The following ITGBL1 variants were observed in gnomAD, a reference collection of about 807,000 sequenced individuals.
ITGBL1 encodes the protein integrin subunit beta like 1.
A neutral mutation model predicts 68.5 loss-of-function variants in ITGBL1; 51 were observed. That is an observed-to-expected ratio of 0.74 (90% CI 0.59 to 0.94). ITGBL1 has a LOEUF of 0.94. ITGBL1 is among the 40% of genes least tolerant of loss of function. The pLI is 0.00. For synonymous variants in ITGBL1, 209 were observed against 227.3 expected, an observed-to-expected ratio of 0.92 and a Z score of 0.72; for missense variants, 649 against 647.4, an observed-to-expected ratio of 1.00 and a Z score of -0.03.
chr13:101,467,880 T>A (rs1475390406), intron 2 of ITGBL1, among the ~76,000 whole-genome samples: 1 of 143,826 alleles, frequency 7.0e-6, no homozygotes, highest in South Asian at 2.2e-4. Flanking sequence ...GTAGGCTAAA[T>A]TTTTTTTTTT....
At chr13:101,625,769 G>A (rs1196416832) in intron 7 of ITGBL1, among the ~76,000 whole-genome samples, 1 of 152,100 alleles carries the variant, frequency 6.6e-6, no homozygotes, top group African/African-American at 2.4e-5. Context: ...GGCCAGGCTT[G>A]TCTTTAACTC....
chr13:101,693,616 G>A (rs1416943630), intron 8 of ITGBL1, among the ~76,000 whole-genome samples: 2 of 107,530 alleles, frequency 1.9e-5, no homozygotes, highest in African/African-American at 4.3e-5. Context: ...CATCCTATCT[G>A]TCTGTCTGTC....
chr13:101,594,799 C>T (rs962434001), intron 6 of ITGBL1, among the ~76,000 whole-genome samples: 2 of 152,100 alleles, frequency 1.3e-5, no homozygotes, highest in Non-Finnish European at 2.9e-5. Flanking sequence ...GGGCCAGGCA[C>T]ATGGTGGCTC....
At chr13:101,478,272 T>G (rs917328499) in intron 2 of ITGBL1, among the ~76,000 whole-genome samples, 1 of 151,674 alleles carries the variant, frequency 6.6e-6, no homozygotes, top group Admixed American at 6.6e-5. Flanking sequence ...AAGCATTGGA[T>G]AAGTCACTAT....
intron 4 of ITGBL1, among the ~76,000 whole-genome samples, chr13:101,577,918 C>T (rs1191562433): frequency 1.3e-5 from 2 of 152,110 alleles, no homozygotes; most frequent in Non-Finnish European, 2.9e-5. Flanking sequence ...ATTTAAAATT[C>T]AAATTCATTG....
intron 5 of ITGBL1, among the ~76,000 whole-genome samples, chr13:101,580,192 A>T (rs1566740777): frequency 6.6e-6 from 1 of 152,176 alleles, no homozygotes; most frequent in African/African-American, 2.4e-5. Flanking sequence ...AAACTAAAAA[A>T]ATCTAGATAG....
chr13:101,708,070 T>TAC (rs1566800787), intron 9 of ITGBL1, among the ~76,000 whole-genome samples: 1 of 124,372 alleles, frequency 8.0e-6, no homozygotes, highest in African/African-American at 3.2e-5. Context: ...CACACACACA[T>TAC]ACACACAAAT....
intron 7 of ITGBL1, among the ~76,000 whole-genome samples, chr13:101,604,293 G>A (rs2117973): frequency 1 from 151,399 of 152,034 alleles, 75,384 homozygotes; most frequent in Middle Eastern, 1. Flanking sequence ...AAACATGCAT[G>A]TTTCCTGTCT....
chr13:101,520,628 C>G (rs949416122), intron 2 of ITGBL1, among the ~76,000 whole-genome samples: 3 of 152,122 alleles, frequency 2.0e-5, no homozygotes, highest in Non-Finnish European at 4.4e-5. Context: ...TTCAGGGCAC[C>G]CTGCTCACTC....
chr13:101,719,312 C>T (rs2034837621), downstream of ITGBL1: 1 of 152,056 alleles, frequency 6.6e-6, no homozygotes, highest in African/African-American at 2.4e-5. Context: ...TAAAGAACTT[C>T]TGCTTGCTCC....
chr13:101,606,024 T>C (rs2030823905), intron 7 of ITGBL1, among the ~76,000 whole-genome samples: 3 of 145,712 alleles, frequency 2.1e-5, no homozygotes, highest in Admixed American at 1.4e-4. Flanking sequence ...GTATATATGT[T>C]ATATAGCATA....
At chr13:101,622,948 C>G (rs1167422809) in intron 7 of ITGBL1, among the ~76,000 whole-genome samples, 1 of 89,018 alleles carries the variant, frequency 1.1e-5, no homozygotes, top group Admixed American at 1.1e-4. Context: ...TGTGTGTTTT[C>G]CTGTAGTTGT....
chr13:101,497,735 G>A (rs978269723), intron 2 of ITGBL1, among the ~76,000 whole-genome samples: 4 of 152,166 alleles, frequency 2.6e-5, no homozygotes, highest in African/African-American at 9.7e-5. Context: ...ACCATGTCAC[G>A]CTCCTTAAGG....
At chr13:101,677,686 C>G (rs1426934565) in intron 7 of ITGBL1, among the ~76,000 whole-genome samples, 2 of 152,114 alleles carry the variant, frequency 1.3e-5, no homozygotes, top group African/African-American at 4.8e-5. Context: ...GGACAATGCT[C>G]ATGGGTAGAA....
chr13:101,468,654 A>G (rs2048416006), intron 2 of ITGBL1, among the ~76,000 whole-genome samples: 1 of 152,226 alleles, frequency 6.6e-6, no homozygotes, highest in Non-Finnish European at 1.5e-5. Flanking sequence ...ACATTTAAAA[A>G]TATAACTTCT....
chr13:101,454,092 C>T lies in ITGBL1; in HGVS notation c.308C>T (p.Thr103Ile), dbSNP rs975898787. ...GTGTGCGAGACCTACGACGGGAGCA[C>T]CTGTGCAGGTAAGAGGGCGGCGCTG... ...EWVCETYDGS[T>I]CAGHGKCDCG... Residue 103 changes from threonine (T) to isoleucine (I), a missense_variant, in exon 2 of 11, where the codon ACC (threonine) becomes ATC (isoleucine). Thr to Ile is a moderately conservative substitution (Grantham distance 89). Transcript: ENST00000376180. 1 of 1,568,210 alleles carries T rather than the reference C, an allele frequency of 6.4e-7. No homozygotes were observed. The highest frequency in any genetic ancestry group is 8.6e-7 in the Non-Finnish European group (1 of 1,156,594).
At chr13:101,559,310 G>A (rs1297211829) in intron 2 of ITGBL1, among the ~76,000 whole-genome samples, 3 of 152,112 alleles carry the variant, frequency 2.0e-5, no homozygotes, top group Non-Finnish European at 4.4e-5. Flanking sequence ...ATATAGTATG[G>A]GATTTTGCAG....
At position 101,484,308 on chromosome 13, in the gene ITGBL1, A is replaced by T. The variant is rs534947656; in HGVS notation, c.316+30208A>T. On this transcript the variant is annotated intron_variant, in intron 2 of 10. Transcript: ENST00000376180. ...AAATACCTAGAACTGAATGATAATGATTTCTGGTTTCAAATATTTCCTGCC... is the reference window on the plus strand; with the variant it reads ...AAATACCTAGAACTGAATGATAATGTTTTCTGGTTTCAAATATTTCCTGCC... Among the ~76,000 whole-genome samples the T allele has an allele frequency of 4.1e-4, 63 of 152,202 alleles. No individual in the cohort carries two copies. In the South Asian group the frequency reaches 0.013, roughly 31 times the overall value.
At chr13:101,604,055 T>G (rs1188669118) in intron 7 of ITGBL1, among the ~76,000 whole-genome samples, 1 of 151,976 alleles carries the variant, frequency 6.6e-6, no homozygotes, top group African/African-American at 2.4e-5. Flanking sequence ...AAATGTATAC[T>G]TTTAACAAAT....
Sources: gnomAD v4.1 joint callset for allele counts (sites outside exome capture counted in the v4.1 genomes callset) on GRCh38, gnomAD v4.1.1 for gene constraint, MANE v1.5 for transcripts, NCBI Gene and HGNC (gene_info 2026-07-23, HGNC 2026-07-21) for gene names.